NEBL: variants seen among roughly 807,000 people sequenced by gnomAD.
NEBL encodes nebulette, also known as LIM and SH3 protein 2.
In NEBL, 122 loss-of-function variants were observed where a neutral mutation model predicts 140.2. That is an observed-to-expected ratio of 0.87 (90% CI 0.75 to 1.01). The LOEUF is 1.01. Among genes scored for constraint, NEBL ranks in the 50% least tolerant of loss-of-function variants. NEBL has a pLI of 0.00. For synonymous variants in NEBL, 436 were observed against 398.9 expected (o/e 1.09, Z -1.11); for missense variants, 1,365 against 1,231.3 (o/e 1.11, Z -1.62).
chr10:20,868,309 A>G (rs1174486500), intron 7 of NEBL: 1 of 94,722 alleles, frequency 1.1e-5, no homozygotes, highest in Non-Finnish European at 2.3e-5. Flanking sequence ...TAAGTTAAAA[A>G]CTGTGTGTGT....
chr10:21,033,356 C>A (rs562888152), intron 2 of NEBL, among the ~76,000 whole-genome samples: 1 of 151,994 alleles, frequency 6.6e-6, no homozygotes, highest in South Asian at 2.1e-4. Flanking sequence ...AGCAAATGTG[C>A]AATATGAACA....
intron 11 of NEBL, 63 bp from the exon 12 acceptor site, chr10:20,845,431 T>G: frequency 9.7e-7 from 1 of 1,033,622 alleles, no homozygotes; most frequent in South Asian, 1.3e-5. Flanking sequence ...AAAAGAGATT[T>G]GAACAAGAGT....
chr10:21,152,122 A>C (rs1329102836), intron 2 of NEBL, among the ~76,000 whole-genome samples: 1 of 152,232 alleles, frequency 6.6e-6, no homozygotes, highest in African/African-American at 2.4e-5. Context: ...GAAATGGGAC[A>C]GAGAAGGCAA....
chr10:20,786,147 T>C (rs567406799), intron 27 of NEBL, among the ~76,000 whole-genome samples: 17 of 152,254 alleles, frequency 1.1e-4, no homozygotes, highest in African/African-American at 3.8e-4. Flanking sequence ...AGTCACTAAA[T>C]ACGACAGGTA....
intron 26 of NEBL, among the ~76,000 whole-genome samples, chr10:20,802,606 C>A (rs1455462225): frequency 6.6e-6 from 1 of 152,020 alleles, no homozygotes; most frequent in African/African-American, 2.4e-5. Flanking sequence ...AAACACATAA[C>A]CAAAATGATG....
chr10:21,153,629 A>G (rs1840226648), intron 2 of NEBL, among the ~76,000 whole-genome samples: 1 of 152,122 alleles, frequency 6.6e-6, no homozygotes, highest in Admixed American at 6.5e-5. Context: ...CGAGGGTTCA[A>G]GTGAATCTCC....
intron 4 of NEBL, among the ~76,000 whole-genome samples, chr10:20,902,400 C>A (rs1487729497): frequency 4.1e-5 from 3 of 73,870 alleles, no homozygotes; most frequent in East Asian, 6.2e-4. Flanking sequence ...AGCAAAGACA[C>A]TGTCTCAAAA....
At chr10:20,901,900 A>G (rs1256090216), upstream of NEBL, among the ~76,000 whole-genome samples, 4 of 152,374 alleles carry the variant, frequency 2.6e-5, no homozygotes, top group East Asian at 7.7e-4. Context: ...ATTTCTTGAA[A>G]GAAGAAATGT....
chr10:20,795,782 C>T (rs142663426), intron 26 of NEBL, among the ~76,000 whole-genome samples: 346 of 152,210 alleles, frequency 2.3e-3, no homozygotes, highest in African/African-American at 7.6e-3. Context: ...CTGTGTACAA[C>T]GCTGCCTGAA....
At chr10:20,927,922 C>A (rs1187732207) in intron 4 of NEBL, among the ~76,000 whole-genome samples, 6 of 152,178 alleles carry the variant, frequency 3.9e-5, no homozygotes, top group Admixed American at 2.0e-4. Context: ...TGTCACCCAA[C>A]AGAGATACAA....
chr10:21,040,824 C>T (rs941442662), intron 2 of NEBL, among the ~76,000 whole-genome samples: 22 of 152,236 alleles, frequency 1.4e-4, no homozygotes, highest in South Asian at 6.2e-4. Flanking sequence ...AGTGAGTTCT[C>T]ATGAGATCTG....
chr10:21,174,452 ACTCCCTTCC>A (rs1426984630), upstream of NEBL: 1 of 152,000 alleles, frequency 6.6e-6, no homozygotes, highest in Non-Finnish European at 1.5e-5. Context: ...AAACCCGCGT[ACTCCCTTCC>A]CTCCCTCTTC....
chr10:21,214,965 G>A (rs950292454), intron 3 of NEBL, among the ~76,000 whole-genome samples: 1 of 152,102 alleles, frequency 6.6e-6, no homozygotes, highest in Admixed American at 6.6e-5. Context: ...CCGGGGAGGA[G>A]CAATAAACTG....
chr10:21,263,262 G>A (rs368370649), intron 1 of NEBL, among the ~76,000 whole-genome samples: 16 of 152,280 alleles, frequency 1.1e-4, no homozygotes, highest in African/African-American at 3.9e-4. Flanking sequence ...TAAGTCAAGA[G>A]ATAAGGAATT....
chr10:20,809,654 T>G (rs547310093), intron 25 of NEBL, 152 bp downstream of exon 25: 2 of 658,096 alleles, frequency 3.0e-6, no homozygotes, highest in African/African-American at 3.6e-5. Context: ...AAATGACTAA[T>G]TGTATTTAAA....
At position 21,173,678 on chromosome 10, in the gene NEBL, CT is replaced by C; in HGVS notation, c.69+86del. ...CGCACACGCACCGACCCACTCATTG[CT>C]TTCCATCCCAGGTGCCAAAACTTCT... On this transcript the variant is annotated intron_variant, in intron 1 of 6. Transcript: ENST00000417816. The surrounding 1 kb of genome is among the most constrained non-coding windows in gnomAD (Gnocchi z 5.7). 1 of 1,600,974 alleles carries C rather than the reference CT, an allele frequency of 6.2e-7. No homozygotes were observed. The highest frequency in any genetic ancestry group is 8.5e-7 in the Non-Finnish European group (1 of 1,176,636).
At chr10:20,958,850 T>A (rs1237198567) in intron 4 of NEBL, among the ~76,000 whole-genome samples, 1 of 152,166 alleles carries the variant, frequency 6.6e-6, no homozygotes, top group Non-Finnish European at 1.5e-5. Context: ...TCTCACCTCG[T>A]TCATCACACT....
chr10:20,912,836 T>G (rs1848384283), intron 4 of NEBL, among the ~76,000 whole-genome samples: 1 of 151,778 alleles, frequency 6.6e-6, no homozygotes, highest in South Asian at 2.1e-4. Context: ...ACTTTCCCTA[T>G]GCCATGCTGA....
chr10:20,788,468 G>C (rs1278808715), intron 26 of NEBL, among the ~76,000 whole-genome samples: 2 of 152,004 alleles, frequency 1.3e-5, no homozygotes, highest in Admixed American at 6.6e-5. Context: ...TCTAATAAGT[G>C]AGAACATCAA....
Sources: gnomAD v4.1 joint callset for allele counts (sites outside exome capture counted in the v4.1 genomes callset) on GRCh38, gnomAD v4.1.1 for gene constraint, Gnocchi (gnomAD v3.1) non-coding constraint, MANE v1.5 for transcripts, NCBI Gene and HGNC (gene_info 2026-07-23, HGNC 2026-07-21) for gene names.